Variants in ADAM18 observed in about 807,000 individuals in gnomAD.
ADAM18 encodes the protein ADAM metallopeptidase domain 18.
ADAM18 carries 117 observed loss-of-function variants against 94.4 expected under a neutral mutation model. That is an observed-to-expected ratio of 1.24 (90% CI 1.07 to 1.45). The LOEUF (loss-of-function observed/expected upper bound fraction) is 1.45, where lower values mean the gene tolerates loss of function less well. Among genes scored for constraint, ADAM18 ranks in the 40% most tolerant of loss-of-function variants. The probability of loss-of-function intolerance (pLI) is 0.00; values close to 1 mark genes in which losing one functional copy is unlikely to be tolerated. For synonymous variants in ADAM18, 327 were observed against 291.6 expected, an observed-to-expected ratio of 1.12 and a Z score of -1.24; for missense variants, 936 against 880.0, an observed-to-expected ratio of 1.06 and a Z score of -0.81.
intron 2 of ADAM18, among the ~76,000 whole-genome samples, chr8:39,588,406 A>G (rs1235312983): frequency 6.6e-6 from 1 of 152,000 alleles, no homozygotes; most frequent in Non-Finnish European, 1.5e-5. Flanking sequence ...CCCATTGTTT[A>G]ATCAGGTTAT....
At chr8:39,590,312 A>G (rs1818533926) in intron 2 of ADAM18, among the ~76,000 whole-genome samples, 1 of 152,156 alleles carries the variant, frequency 6.6e-6, no homozygotes, top group South Asian at 2.1e-4. Context: ...GGAAATCATC[A>G]TTCTCAGTAA....
chr8:39,672,776 G>T (rs1204621340), intron 14 of ADAM18, among the ~76,000 whole-genome samples: 1 of 152,146 alleles, frequency 6.6e-6, no homozygotes, highest in African/African-American at 2.4e-5. Context: ...CTGGGGAAAA[G>T]AAAATATCCA....
At chr8:39,699,747 A>T (rs1048173672) in intron 17 of ADAM18, among the ~76,000 whole-genome samples, 2 of 152,174 alleles carry the variant, frequency 1.3e-5, no homozygotes, top group African/African-American at 4.8e-5. Flanking sequence ...TTGTAGAGTA[A>T]ATATTGTTTC....
chr8:39,705,289 A>C lies in ADAM18; in HGVS notation c.1903-1501A>C, dbSNP rs1420620329. ...ATTGTTACGTAATCTCCAAAATATC[A>C]CATTTTTCTTCATCTTTTGTTAAAG... is the stretch of plus-strand genomic sequence containing the variant. On this transcript the variant is annotated intron_variant, in intron 17 of 19. Transcript: ENST00000265707. Among the ~76,000 whole-genome samples, 4 of 152,044 alleles carry C rather than the reference A, an allele frequency of 2.6e-5. No homozygotes were observed. The East Asian group carries it at 7.7e-4, about 29-fold the overall frequency.
intron 17 of ADAM18, among the ~76,000 whole-genome samples, chr8:39,697,973 T>C (rs1821971645): frequency 6.6e-6 from 1 of 151,870 alleles, no homozygotes. Flanking sequence ...TACTAAGGAT[T>C]ATCTTTCTTA....
intron 2 of ADAM18, among the ~76,000 whole-genome samples, chr8:39,592,808 G>A (rs548702413): frequency 3.9e-5 from 6 of 152,082 alleles, no homozygotes; most frequent in African/African-American, 1.4e-4. Context: ...AATCAAGCAC[G>A]TGTACCCCTG....
At chr8:39,661,892 TA>T (rs1339124101) in intron 12 of ADAM18, among the ~76,000 whole-genome samples, 1 of 151,210 alleles carries the variant, frequency 6.6e-6, no homozygotes, top group Non-Finnish European at 1.5e-5. Context: ...AAAGACTACC[TA>T]GAACATATCC....
At chr8:39,611,687 C>A in intron 6 of ADAM18, 4 of 764,530 alleles carry the variant, frequency 5.2e-6, no homozygotes, top group Non-Finnish European at 6.4e-6. Flanking sequence ...TGGAATACAT[C>A]AAAAAGCTGA....
chr8:39,721,461 A>G (rs1333902161), intron 18 of ADAM18, among the ~76,000 whole-genome samples: 1 of 151,572 alleles, frequency 6.6e-6, no homozygotes, highest in African/African-American at 2.4e-5. Flanking sequence ...CTAATAATCA[A>G]CAAAGTAAGT....
chr8:39,698,623 T>C (rs895297272), intron 17 of ADAM18, among the ~76,000 whole-genome samples: 1 of 152,040 alleles, frequency 6.6e-6, no homozygotes, highest in Non-Finnish European at 1.5e-5. Flanking sequence ...TTCTTCTTGA[T>C]ACCTTTCTAT....
At chr8:39,650,150 A>G (rs1387812974) in intron 12 of ADAM18, among the ~76,000 whole-genome samples, 3 of 152,242 alleles carry the variant, frequency 2.0e-5, no homozygotes, top group Non-Finnish European at 2.9e-5. Context: ...GAAAGATTCT[A>G]TACAGAATCT....
At chr8:39,614,986 A>G (rs1043364089) in intron 6 of ADAM18, among the ~76,000 whole-genome samples, 8 of 152,224 alleles carry the variant, frequency 5.3e-5, no homozygotes, top group Admixed American at 2.6e-4. Context: ...AAAGAGATGT[A>G]GATAACTGTG....
At chr8:39,690,848 T>G (rs375380410) in intron 16 of ADAM18, among the ~76,000 whole-genome samples, 1 of 152,198 alleles carries the variant, frequency 6.6e-6, no homozygotes, top group South Asian at 2.1e-4. Context: ...ACCATCCCAC[T>G]TCTGGGTATA....
chr8:39,693,283 A>T (rs2129580899), intron 17 of ADAM18, among the ~76,000 whole-genome samples: 1 of 151,696 alleles, frequency 6.6e-6, no homozygotes, highest in Non-Finnish European at 1.5e-5. Flanking sequence ...ACCAGAATGC[A>T]TTAATATTTA....
chr8:39,636,798 C>T (rs1820085782), intron 7 of ADAM18, among the ~76,000 whole-genome samples: 1 of 151,632 alleles, frequency 6.6e-6, no homozygotes, highest in Admixed American at 6.6e-5. Flanking sequence ...CACACTCAGC[C>T]CTCTGCCCCT....
At chr8:39,694,175 A>T (rs1296725659) in intron 17 of ADAM18, among the ~76,000 whole-genome samples, 1 of 151,474 alleles carries the variant, frequency 6.6e-6, no homozygotes, top group South Asian at 2.1e-4. Flanking sequence ...CCTTGTCCTT[A>T]TTGTGAAAGA....
chr8:39,628,293 A>C (rs1444368633), intron 6 of ADAM18, among the ~76,000 whole-genome samples: 1 of 151,988 alleles, frequency 6.6e-6, no homozygotes, highest in Non-Finnish European at 1.5e-5. Context: ...CCTTTTTTAC[A>C]AAATTGCAGT....
chr8:39,692,662 A>G lies in ADAM18; in HGVS notation c.1884A>G (p.Thr628=), dbSNP rs764910788. 1 of 1,603,972 alleles carries G rather than the reference A, an allele frequency of 6.2e-7. No homozygotes were observed. The highest frequency in any genetic ancestry group is 8.5e-7 in the Non-Finnish European group (1 of 1,174,202). ...HLMGYNCNAT[T]KCKGKGICNN... ...TGGGATATAACTGTAATGCCACCAC[A>G]AAATGCAAAGGGAAAGGGGTAAGTC... The change falls in exon 17 of 20, where the codon ACA becomes ACG. Residue 628 remains threonine, a synonymous_variant. Transcript: ENST00000265707.
chr8:39,652,043 A>G (rs1820555157), intron 12 of ADAM18, among the ~76,000 whole-genome samples: 1 of 152,154 alleles, frequency 6.6e-6, no homozygotes, highest in South Asian at 2.1e-4. Flanking sequence ...AATATAAAAA[A>G]CCAATGCAAA....
Sources: gnomAD v4.1 joint callset for allele counts (sites outside exome capture counted in the v4.1 genomes callset) on GRCh38, gnomAD v4.1.1 for gene constraint, MANE v1.5 for transcripts, NCBI Gene and HGNC (gene_info 2026-07-23, HGNC 2026-07-21) for gene names.